Variants in DST observed in about 807,000 individuals in gnomAD.
DST encodes the protein dystonin, also known as bullous pemphigoid antigen.
In DST, 253 loss-of-function variants were observed where a neutral mutation model predicts 875.2. That is an observed-to-expected ratio of 0.29 (90% CI 0.26 to 0.32). The LOEUF (loss-of-function observed/expected upper bound fraction) is 0.32, where lower values mean the gene tolerates loss of function less well. Ranked by LOEUF, DST falls within the 10% of genes least tolerant of loss-of-function variation. The pLI, the probability that DST is intolerant of heterozygous loss-of-function variation, is 1.00. For synonymous variants in DST, 3,124 were observed against 3,197.1 expected, an observed-to-expected ratio of 0.98 and a Z score of 0.77; for missense variants, 8,287 against 9,111.6, an observed-to-expected ratio of 0.91 and a Z score of 3.68.
intron 49 of DST, among the ~76,000 whole-genome samples, chr6:56,584,332 A>G (rs2098096542): frequency 1.3e-5 from 2 of 151,986 alleles, no homozygotes; most frequent in South Asian, 4.2e-4. Context: ...TGGATTCCTA[A>G]GTATTTTATT....
chr6:56,748,435 T>C (rs2099578570), intron 4 of DST, among the ~76,000 whole-genome samples: 1 of 152,210 alleles, frequency 6.6e-6, no homozygotes, highest in African/African-American at 2.4e-5. Flanking sequence ...TTTTCTCATC[T>C]ATAAAACAGA....
At chr6:56,489,070 T>G (rs982234473) in intron 86 of DST, among the ~76,000 whole-genome samples, 5 of 152,206 alleles carry the variant, frequency 3.3e-5, no homozygotes, top group Non-Finnish European at 7.4e-5. Context: ...ACTCTATTGT[T>G]TAAAAGAATC....
chr6:56,884,772 A>C (rs1783852008), intron 3 of DST, among the ~76,000 whole-genome samples: 1 of 151,984 alleles, frequency 6.6e-6, no homozygotes, highest in African/African-American at 2.4e-5. Context: ...TCTGTTGCCC[A>C]GGCTGGAGTG....
At chr6:56,488,868 G>A (rs2095649348) in intron 86 of DST, among the ~76,000 whole-genome samples, 1 of 152,090 alleles carries the variant, frequency 6.6e-6, no homozygotes, top group Non-Finnish European at 1.5e-5. Context: ...CTCTTTGAAT[G>A]TCATGTGGAA....
intron 44 of DST, 22 bp from the exon 45 acceptor site, chr6:56,600,243 A>G: frequency 2.5e-6 from 4 of 1,606,162 alleles, no homozygotes; most frequent in Admixed American, 3.4e-5. Flanking sequence ...AAAACCCAAA[A>G]CATCTTAAAT....
Position 56,593,751 on chromosome 6 carries a change from C to A in DST, c.12638G>T (p.Gly4213Val), listed in dbSNP as rs2098328138. ...GGTTGCAGAAGTATCAACCTTGCCACCGTCTCTCTTGCTGCAAGATTTGGC... is the reference window on the plus strand; with the variant it reads ...GGTTGCAGAAGTATCAACCTTGCCAACGTCTCTCTTGCTGCAAGATTTGGC... ...EAAKSCSKRD[G>V]GKVDTSATHR... The change falls in exon 48 of 104, where the codon GGT (glycine) becomes GTT (valine). Residue 4213 changes from glycine to valine, a missense_variant. Coordinates refer to ENST00000680361, the MANE Select transcript of DST (RefSeq NM_001374736.1). 1 of 1,613,780 alleles carries A rather than the reference C, an allele frequency of 6.2e-7. No individual in the cohort carries two copies. The highest frequency in any genetic ancestry group is 1.7e-5 in the Admixed American group (1 of 59,984).
Position 56,759,349 on chromosome 6 carries a change from G to T in DST, c.626-24060C>A, listed in dbSNP as rs1277273920. ...GCCTGTAGTCCCAGCTACTCAGGAG[G>T]CTGAGGAAGGAGAATTGCTTTAATC... On this transcript the variant is annotated intron_variant, in intron 4 of 103. Transcript: ENST00000680361. 3.3e-5 allele frequency among the ~76,000 whole-genome samples: 5 copies of T among 152,210 alleles called. No individual in the cohort carries two copies. The East Asian group carries it at 7.7e-4, about 24-fold the overall frequency.
intron 3 of DST, among the ~76,000 whole-genome samples, chr6:56,879,506 A>G (rs1781078622): frequency 6.6e-6 from 1 of 152,126 alleles, no homozygotes; most frequent in African/African-American, 2.4e-5. Context: ...TAACATGCAT[A>G]TAGTGGTATG....
At position 56,552,773 on chromosome 6, in the gene DST, A is replaced by G; in HGVS notation, c.16019T>C (p.Val5340Ala). Residue 5340 changes from valine (V) to alanine (A), a missense_variant, in exon 61 of 104, where the codon GTG becomes GCG. By Grantham distance (64) the Val-to-Ala change is moderately conservative. This residue lies in a region of DST where 1,513 missense variants were observed against 1,677.8 expected (regional missense o/e 0.90). Transcript: ENST00000680361. ...TCCCTTTGAGTCTGAGGCCTCTACC[A>G]CAAGGTCCTGTGCAAGTCTTTTAGC... ...DLAKRLAQDLVVEASDSKGTS... is the reference protein window; with the variant it reads ...DLAKRLAQDLAVEASDSKGTS... 1 of 1,610,508 alleles carries G rather than the reference A, an allele frequency of 6.2e-7. No homozygotes were observed. Among genetic ancestry groups the G allele is most frequent in the South Asian group, 1.1e-5 (1 of 91,082 alleles).
chr6:56,748,902 C>T (rs1299526254), intron 4 of DST, among the ~76,000 whole-genome samples: 1 of 152,116 alleles, frequency 6.6e-6, no homozygotes, highest in East Asian at 1.9e-4. Flanking sequence ...TGATTTCTTA[C>T]TATATCAATT....
intron 49 of DST, among the ~76,000 whole-genome samples, chr6:56,585,984 T>C (rs2098139233): frequency 6.6e-6 from 1 of 152,160 alleles, no homozygotes. Context: ...TTCTGTTCTT[T>C]TACATTTGCT....
In DST at chr6:56,531,713, G is replaced by A. The variant is rs138977437; in HGVS notation, c.17108+631C>T. On this transcript the variant is annotated intron_variant, in intron 64 of 103. Transcript: ENST00000680361. Reference sequence around the variant, plus strand: ...GCTACTACTATGGCTAGTCAATGGCGGCATCAATGCAGATACTGAAATATG... The same window carrying A: ...GCTACTACTATGGCTAGTCAATGGCAGCATCAATGCAGATACTGAAATATG... Among the ~76,000 whole-genome samples the A allele has an allele frequency of 1.3e-3, 193 of 152,138 alleles. No individual in the cohort carries two copies. The Middle Eastern group carries it at 0.017, about 13-fold the overall frequency.
At chr6:56,593,410 G>A (rs908582831) in intron 48 of DST, among the ~76,000 whole-genome samples, 5 of 150,952 alleles carry the variant, frequency 3.3e-5, no homozygotes, top group African/African-American at 4.9e-5. Context: ...CCAGCTAGTC[G>A]GGAGGCTGAG....
intron 4 of DST, among the ~76,000 whole-genome samples, chr6:56,792,968 TGAG>T (rs1395402596): frequency 6.9e-6 from 1 of 144,828 alleles, no homozygotes; most frequent in Non-Finnish European, 1.5e-5. Context: ...ACTCAGAGGC[TGAG>T]AAGGGAGACT....
intron 3 of DST, among the ~76,000 whole-genome samples, chr6:56,891,351 A>G (rs1197763993): frequency 1.3e-5 from 2 of 152,188 alleles, no homozygotes; most frequent in African/African-American, 4.8e-5. Context: ...TGAGCCCAGG[A>G]GTTCAAGACC....
intron 4 of DST, among the ~76,000 whole-genome samples, chr6:56,736,346 T>C (rs1307194428): frequency 3.3e-5 from 5 of 152,230 alleles, no homozygotes; most frequent in Non-Finnish European, 5.9e-5. Flanking sequence ...AAAGAGCAAT[T>C]GGAATGCTGT....
intron 38 of DST, 67 bp downstream of exon 38, chr6:56,611,441 G>T: frequency 8.9e-7 from 1 of 1,118,870 alleles, no homozygotes; most frequent in Non-Finnish European, 1.3e-6. Flanking sequence ...TACCACCTCT[G>T]TTTTGCTGAA....
chr6:56,733,545 C>G (rs533378012), intron 5 of DST, among the ~76,000 whole-genome samples: 1 of 152,122 alleles, frequency 6.6e-6, no homozygotes, highest in Non-Finnish European at 1.5e-5. Flanking sequence ...GGCATTACCA[C>G]CATTTTACAG....
At chr6:56,871,357 A>G (rs1240752122) in intron 3 of DST, 1 of 1,075,518 alleles carries the variant, frequency 9.3e-7, no homozygotes, top group African/African-American at 1.5e-5. Flanking sequence ...TTACAGAAAC[A>G]GTGTGTACCA....
Sources: gnomAD v4.1 joint callset for allele counts (sites outside exome capture counted in the v4.1 genomes callset) on GRCh38, gnomAD v4.1.1 for gene constraint, gnomAD v4.1.1 regional missense constraint, MANE v1.5 for transcripts, NCBI Gene and HGNC (gene_info 2026-07-23, HGNC 2026-07-21) for gene names.